NLRP13: variants seen among roughly 807,000 people sequenced by gnomAD.
NLRP13 encodes NACHT, LRR and PYD domains-containing protein 13.
Under a neutral mutation model 94.4 loss-of-function variants are expected in NLRP13, and 82 were observed. The ratio of observed to expected loss-of-function variants is 0.87; its 90% CI spans 0.73 to 1.04. The LOEUF is 1.04. Among genes scored for constraint, NLRP13 ranks in the 50% least tolerant of loss-of-function variants. NLRP13 has a pLI of 0.00. For missense variants in NLRP13, 1,426 were observed against 1,230.8 expected, an observed-to-expected ratio of 1.16 and a Z score of -2.37; for synonymous variants, 553 against 464.7, an observed-to-expected ratio of 1.19 and a Z score of -2.45.
chr19:55,907,798 T>C lies in NLRP13; in HGVS notation c.2441A>G (p.Tyr814Cys). ...TAGGGAGCCAAAGACTTACCACAGA[T>C]ACTTGAGGTTGCAAGCTGAGTGTCT... ...ALRHSACNLK[Y>C]LCLEKCNLSA... The change falls in exon 7 of 11, where the codon TAT becomes TGT. Residue 814 changes from tyrosine (Y) to cysteine (C), a missense_variant. By Grantham distance (194) the Tyr-to-Cys change is radical. Coordinates refer to ENST00000342929, the MANE Select transcript of NLRP13 (RefSeq NM_176810.2). 6.2e-7 allele frequency: 1 copy of C among 1,613,820 alleles called. No individual in the cohort carries two copies. The highest frequency in any genetic ancestry group is 8.5e-7 in the Non-Finnish European group (1 of 1,179,886).
chr19:55,897,246 C>T (rs1986041597), intron 10 of NLRP13, among the ~76,000 whole-genome samples: 1 of 152,162 alleles, frequency 6.6e-6, no homozygotes, highest in Non-Finnish European at 1.5e-5. Flanking sequence ...TGGCCAGGCG[C>T]AGTGGCTCAT....
At position 55,910,690 on chromosome 19, in the gene NLRP13, A is replaced by C. The variant is rs904835363; in HGVS notation, c.2155T>G (p.Cys719Gly). The C allele has an allele frequency of 6.2e-7, 1 of 1,613,352 alleles. No individual in the cohort carries two copies. The highest frequency in any genetic ancestry group is 8.5e-7 in the Non-Finnish European group (1 of 1,179,348). The change falls in exon 6 of 11, where the codon TGC becomes GGC. Residue 719 changes from cysteine to glycine, a missense_variant. Physicochemically the swap from Cys to Gly is radical, Grantham distance 159 (BLOSUM62 -3). Transcript: ENST00000342929. ...TTCTCATTTGTGACCAACGTAGAGC[A>C]AATGCTGTTCCATGCGTGCATCCTG... ...DSRMHAWNSI[C>G]STLVTNENLH...
At chr19:55,898,532 A>G (rs1267664033) in intron 10 of NLRP13, among the ~76,000 whole-genome samples, 2 of 151,492 alleles carry the variant, frequency 1.3e-5, no homozygotes, top group Non-Finnish European at 2.9e-5. Context: ...TTTAGTAGAG[A>G]CGGGGTTTCC....
chr19:55,900,331 A>G (rs1031895804), intron 9 of NLRP13, among the ~76,000 whole-genome samples: 8 of 152,176 alleles, frequency 5.3e-5, no homozygotes, highest in African/African-American at 1.9e-4. Flanking sequence ...AACATACTCA[A>G]CTTCATTCTT....
At chr19:55,901,239 G>A (rs1289745073) in intron 9 of NLRP13, among the ~76,000 whole-genome samples, 3 of 152,200 alleles carry the variant, frequency 2.0e-5, no homozygotes, top group South Asian at 2.1e-4. Context: ...TTGGCCCGTC[G>A]CCACGAGAGC....
chr19:55,906,757 C>T (rs575684822), intron 7 of NLRP13, among the ~76,000 whole-genome samples: 3 of 150,550 alleles, frequency 2.0e-5, no homozygotes, highest in Non-Finnish European at 4.4e-5. Flanking sequence ...TTTACAGACC[C>T]CCCCCTGCTC....
chr19:55,931,718 A>AGAAAGAAAGAAAGAAAGAAAG, intron 1 of NLRP13, among the ~76,000 whole-genome samples: 1 of 96,032 alleles, frequency 1.0e-5, no homozygotes, highest in African/African-American at 4.1e-5. Context: ...TCAAAAAAAA[A>AGAAAGAAAGAAAGAAAGAAAG]AAAAAAAGAA....
In NLRP13 at chr19:55,898,944, A is replaced by AAACC; in HGVS notation, c.2790-8_2790-7insGGTT. The AAACC allele has an allele frequency of 6.2e-7, 1 of 1,606,510 alleles. No individual in the cohort carries two copies. The highest frequency in any genetic ancestry group is 8.5e-7 in the Non-Finnish European group (1 of 1,177,268). ...GAAAGAACAACCTGACAAACTGCAA[A>AAACC]ATAAAAACATACAAAAGGGGGGAAA... On this transcript the variant is annotated splice_polypyrimidine_tract_variant and splice_region_variant and intron_variant, in intron 9 of 10. Transcript: ENST00000342929.
downstream of NLRP13, among the ~76,000 whole-genome samples, chr19:55,892,342 G>C (rs569312386): frequency 6.6e-6 from 1 of 151,238 alleles, no homozygotes; most frequent in South Asian, 2.1e-4. Flanking sequence ...TAGTAGTCCC[G>C]TGTCTTGTCA....
rs3073244 is a variant in NLRP13 at position 55,896,820 on chromosome 19, C to CAAAAAAAAAAAAA, written c.2958-714_2958-702dup. Among the ~76,000 whole-genome samples the CAAAAAAAAAAAAA allele has an allele frequency of 3.1e-4, 25 of 80,904 alleles. 1 individual carries two copies. The South Asian group carries it at 9.4e-3, about 30-fold the overall frequency. The allele number at this position is 80,904 out of a possible 152,430, so 53.1% of individuals were successfully genotyped here. A position where few individuals can be genotyped will look rare whatever the true frequency, so the allele number is the denominator to read the frequency against. ...GGCGACAGAGCAAGACTCCATCTCA[C>CAAAAAAAAAAAAA]AAAAAAAAAAAAAAAAAAAAAAAAA... On this transcript the variant is annotated intron_variant, in intron 10 of 10. Transcript: ENST00000342929.
intron 4 of NLRP13, among the ~76,000 whole-genome samples, chr19:55,918,846 G>T (rs568147133): frequency 6.6e-6 from 1 of 152,088 alleles, no homozygotes; most frequent in African/African-American, 2.4e-5. Context: ...AAAGATGTTG[G>T]AGAGGAGGGA....
At chr19:55,921,753 C>G (rs959265635) in intron 4 of NLRP13, among the ~76,000 whole-genome samples, 2 of 152,068 alleles carry the variant, frequency 1.3e-5, no homozygotes, top group Non-Finnish European at 2.9e-5. Flanking sequence ...GGCACAGACA[C>G]TCAGAGGAAA....
In NLRP13 at chr19:55,902,097, G is replaced by A. The variant is rs369814529; in HGVS notation, c.2727C>T (p.Asp909=). 6.6e-5 allele frequency: 107 copies of A among 1,614,118 alleles called. 2 individuals are homozygous for A. In the South Asian group the frequency reaches 9.7e-4, roughly 15 times the overall value. The stretch of plus-strand genomic sequence containing the variant: ...CCTCACACAGGAACTTGACTCCCTC[G>A]TCTCTCAGGCTGTTCTTGCTCAGAT... The part of the protein sequence containing the change: ...HLNLSKNSLR[D]EGVKFLCEAL... The change falls in exon 9 of 11, where the codon GAC becomes GAT. Residue 909 remains aspartate, a synonymous_variant. Coordinates refer to ENST00000342929, the MANE Select transcript of NLRP13 (RefSeq NM_176810.2).
At chr19:55,913,431 G>C (rs997961048) in intron 4 of NLRP13, 138 bp from the exon 5 acceptor site, 11 of 993,956 alleles carry the variant, frequency 1.1e-5, no homozygotes, top group East Asian at 2.5e-5. Flanking sequence ...TGCAGTGGTA[G>C]AAAGTTGCAA....
In NLRP13 at chr19:55,911,959, C is replaced by T; in HGVS notation, c.1858G>A (p.Gly620Arg). 1.2e-6 allele frequency: 2 copies of T among 1,614,184 alleles called. No individual in the cohort carries two copies. Among genetic ancestry groups the T allele is most frequent in the Non-Finnish European group, 1.7e-6 (2 of 1,180,026 alleles). The stretch of plus-strand genomic sequence containing the variant: ...CTTTCAGCCTTACCTAACTCTTCTC[C>T]CCACTTTAATAATTCCTCCATTACC... ...PRVMEELLKW[G>R]EELGKAESAS... Residue 620 changes from glycine (G) to arginine (R), a missense_variant, in exon 5 of 11, where the codon GGA becomes AGA. Transcript: ENST00000342929.
intron 5 of NLRP13, 41 bp from the exon 6 acceptor site, chr19:55,910,774 G>A (rs940709003): frequency 1.3e-6 from 2 of 1,517,512 alleles, no homozygotes; most frequent in South Asian, 1.2e-5. Flanking sequence ...GAGCAAATTA[G>A]CCTCAAGCAA....
At chr19:55,901,676 T>C (rs1392197324) in intron 9 of NLRP13, among the ~76,000 whole-genome samples, 3 of 152,248 alleles carry the variant, frequency 2.0e-5, no homozygotes, top group Admixed American at 1.3e-4. Context: ...GGGAGAGGGC[T>C]CCTGGGAGCT....
rs140083531 is a variant in NLRP13, at chr19:55,931,856, A to G, written c.319+137T>C. 6.3e-4 allele frequency: 466 copies of G among 745,254 alleles called. 2 individuals are homozygous for G. The African/African-American group carries it at 7.1e-3, about 11-fold the overall frequency. 46.2% of individuals were successfully genotyped at this position (745,254 alleles called of 1,614,324 possible). On this transcript the variant is annotated intron_variant, in intron 1 of 10. Transcript: ENST00000342929. ...TATAGCCTTTATGCCTTTAAACATC[A>G]TACTGTCATAGATTATCAAGGAGGA...
chr19:55,903,728 T>A (rs901377803), intron 8 of NLRP13, among the ~76,000 whole-genome samples: 72 of 152,026 alleles, frequency 4.7e-4, no homozygotes, highest in African/African-American at 1.6e-3. Context: ...CTTGGTACCC[T>A]CCCTCCTAAA....
Sources: allele counts gnomAD v4.1 joint callset (sites outside exome capture counted in the v4.1 genomes callset), GRCh38; gene constraint gnomAD v4.1.1; transcripts MANE v1.5; gene names NCBI Gene and HGNC (gene_info 2026-07-23, HGNC 2026-07-21).